MED14: variants seen among roughly 807,000 people sequenced by gnomAD.
MED14 encodes the protein mediator complex subunit 14, also known as mediator of RNA polymerase II transcription subunit 14.
A neutral mutation model predicts 109.0 loss-of-function variants in MED14; 8 were observed. That is an observed-to-expected ratio of 0.07 (90% CI 0.04 to 0.13). The LOEUF is 0.13. MED14 is among the 10% of genes least tolerant of loss of function. The probability of loss-of-function intolerance (pLI) is 1.00; values close to 1 mark genes in which losing one functional copy is unlikely to be tolerated. For synonymous variants in MED14, 399 were observed against 408.7 expected, an observed-to-expected ratio of 0.98 and a Z score of 0.29; for missense variants, 711 against 1,142.4, an observed-to-expected ratio of 0.62 and a Z score of 5.44.
intron 30 of MED14, 25 bp downstream of exon 30, chrX:40,654,339 A>G: frequency 8.3e-7 from 1 of 1,199,133 alleles, no homozygotes. Flanking sequence ...TATATGCAAT[A>G]AAATATTGTC....
chrX:40,682,544 A>G (rs1040490341), intron 18 of MED14, 59 bp downstream of exon 18: 2 of 1,000,936 alleles, frequency 2.0e-6, no homozygotes, highest in African/African-American at 3.9e-5. Flanking sequence ...TCAGTTAAAA[A>G]AAGGGTGAGG....
chrX:40,654,653 A>T (rs1928992553), intron 29 of MED14, 97 bp from the exon 30 acceptor site: 2 of 923,690 alleles, frequency 2.2e-6, no homozygotes, highest in Non-Finnish European at 3.0e-6. Flanking sequence ...TTTCAGATTA[A>T]GATAAGCAAG....
In MED14 at chrX:40,712,731, G is replaced by A. The variant is rs778324486; in HGVS notation, c.781+183C>T. The stretch of plus-strand genomic sequence containing the variant: ...TTTTTAAATTTTTTGTAGAGACAGG[G>A]TCTTGCTATATTGTCTAGGCTGGTC... On this transcript the variant is annotated intron_variant, in intron 6 of 30. Coordinates refer to ENST00000324817, the MANE Select transcript of MED14 (RefSeq NM_004229.4). 9.9e-5 allele frequency among the ~76,000 whole-genome samples: 11 copies of A among 111,393 alleles called. No individual in the cohort carries two copies. The South Asian group carries it at 3.0e-3, about 31-fold the overall frequency.
chrX:40,701,282 G>A, intron 11 of MED14, 39 bp from the exon 12 acceptor site: 1 of 918,700 alleles, frequency 1.1e-6, no homozygotes. Context: ...TTGCTTATAT[G>A]AGAAACAAAA....
At position 40,712,187 on chromosome X, in the gene MED14, T is replaced by C; in HGVS notation, c.888A>G (p.Leu296=). 1 of 1,163,056 alleles carries C rather than the reference T, an allele frequency of 8.6e-7. No individual in the cohort carries two copies. Among genetic ancestry groups the C allele is most frequent in the Non-Finnish European group, 1.2e-6 (1 of 864,092 alleles). The part of the protein sequence containing the change: ...EKPLQDMYNC[L]HSFCLSLQLE... ...ATGTCTCAAATTTCAGAAGGATACG[T>C]AGGCAGTTGTACATATCCTGAAGAG... The change falls in exon 7 of 31, where the codon CTA becomes CTG. Residue 296 remains leucine, a splice_region_variant and synonymous_variant. Coordinates refer to ENST00000324817, the MANE Select transcript of MED14 (RefSeq NM_004229.4).
Position 40,655,010 on chromosome X carries a change from C to G in MED14, c.4023G>C (p.Thr1341=). Residue 1341 remains threonine, a synonymous_variant, in exon 29 of 31, where the codon ACG becomes ACC. Coordinates refer to ENST00000324817, the MANE Select transcript of MED14 (RefSeq NM_004229.4). ...CAATCGGCGGCGCGCTGGGAGGGAT[C>G]GTCAGGCAAAACTGAACATTCCATT... The part of the protein sequence containing the change: ...QLKWNVQFCL[T]IPPSAPPIAP... 1 of 1,210,603 alleles carries G rather than the reference C, an allele frequency of 8.3e-7. No homozygotes were observed. Among genetic ancestry groups the G allele is most frequent in the Non-Finnish European group, 1.1e-6 (1 of 894,807 alleles).
chrX:40,689,351 T>C (rs1602466568), intron 15 of MED14, among the ~76,000 whole-genome samples: 2 of 111,702 alleles, frequency 1.8e-5, no homozygotes, highest in African/African-American at 6.5e-5. Flanking sequence ...CAAAAGGAAA[T>C]GAAGTGTGGG....
intron 5 of MED14, 33 bp downstream of exon 5, chrX:40,713,745 C>G: frequency 7.5e-6 from 9 of 1,204,768 alleles, no homozygotes; most frequent in Non-Finnish European, 1.0e-5. Context: ...ACCTGGCCAT[C>G]AACTCTTAAA....
intron 30 of MED14, 182 bp downstream of exon 30, chrX:40,654,182 A>G (rs1928975449): frequency 2.3e-6 from 1 of 426,964 alleles, no homozygotes; most frequent in African/African-American, 2.5e-5. Context: ...AAAAATGAAG[A>G]ACCAGTGAGA....
intron 1 of MED14, among the ~76,000 whole-genome samples, chrX:40,733,852 G>C (rs1192157942): frequency 8.9e-6 from 1 of 112,038 alleles, no homozygotes; most frequent in Non-Finnish European, 1.9e-5. Context: ...TGGATATAGA[G>C]TCTGGAGTTC....
At chrX:40,726,685 A>G in intron 3 of MED14, 61 bp downstream of exon 3, 2 of 907,678 alleles carry the variant, frequency 2.2e-6, no homozygotes. Context: ...ATGTAAAACT[A>G]TGTCTATCAT....
At chrX:40,660,989 A>G (rs780962776) in intron 26 of MED14, among the ~76,000 whole-genome samples, 3 of 112,391 alleles carry the variant, frequency 2.7e-5, no homozygotes, top group South Asian at 7.3e-4. Context: ...ATCTCGGCTC[A>G]CTGCAACCTC....
Position 40,680,233 on chromosome X carries a change from C to T in MED14, c.2611-100G>A, listed in dbSNP as rs981615099. On this transcript the variant is annotated intron_variant, in intron 20 of 30. Coordinates refer to ENST00000324817, the MANE Select transcript of MED14 (RefSeq NM_004229.4). ...CTGTCAAAAATGAAACAACGTCCTT[C>T]TGGCACATTCCATAAAACTTCCCCT... is the stretch of plus-strand genomic sequence containing the variant. 159 of 870,302 alleles carry T rather than the reference C, an allele frequency of 1.8e-4. 1 individual carries two copies. In the East Asian group the frequency reaches 5.0e-3, roughly 27 times the overall value. 71.7% of individuals were successfully genotyped at this position (870,302 alleles called of 1,213,427 possible).
At chrX:40,729,038 T>C (rs955571812) in intron 2 of MED14, among the ~76,000 whole-genome samples, 2 of 111,806 alleles carry the variant, frequency 1.8e-5, no homozygotes, top group Non-Finnish European at 1.9e-5. Flanking sequence ...TTACAGACTA[T>C]ACCTTCTTTA....
rs544581828 is a variant in MED14, at chrX:40,707,107, GGATAGATAGATA to G, written c.1285+2229_1285+2240del. Among the ~76,000 whole-genome samples, 77 of 101,325 alleles carry G rather than the reference GGATAGATAGATA, an allele frequency of 7.6e-4. 1 individual carries two copies. Among genetic ancestry groups the G allele is most frequent in the Middle Eastern group, 1.0e-2 (2 of 201 alleles). 88.0% of individuals were successfully genotyped at this position (101,325 alleles called of 115,157 possible). A position where few individuals can be genotyped will look rare whatever the true frequency, so the allele number is the denominator to read the frequency against. On this transcript the variant is annotated intron_variant, in intron 10 of 30. Transcript: ENST00000324817. ...ATGGACTTAAAATAGATACATAGAT[GGATAGATAGATA>G]GATAGATAGATAGATAGATAGATAG...
In MED14 at chrX:40,649,511, ATCT is replaced by A; in HGVS notation, c.*2292_*2294del. 1 of 617,390 alleles carries A rather than the reference ATCT, an allele frequency of 1.6e-6. No individual in the cohort carries two copies. Among genetic ancestry groups the A allele is most frequent in the East Asian group, 1.4e-4 (1 of 7,166 alleles). The allele number at this position is 617,390 out of a possible 1,213,427, so 50.9% of individuals were successfully genotyped here. A position where few individuals can be genotyped will look rare whatever the true frequency, so the allele number is the denominator to read the frequency against. ...ACTAAACCAGACTATTAATGAAAAC[ATCT>A]TCATCAAAATTAACTAGAGAGTTGG... On this transcript the variant is annotated 3_prime_UTR_variant, in exon 31 of 31. Transcript: ENST00000324817.
At chrX:40,681,817 T>G (rs367749282) in intron 19 of MED14, 35 bp downstream of exon 19, 5 of 758,004 alleles carry the variant, frequency 6.6e-6, no homozygotes, top group Non-Finnish European at 9.7e-6. Flanking sequence ...TTAAGATTCA[T>G]AAGACAGGAA....
intron 15 of MED14, among the ~76,000 whole-genome samples, chrX:40,691,090 G>T (rs1330331931): frequency 8.9e-6 from 1 of 111,751 alleles, no homozygotes; most frequent in Non-Finnish European, 1.9e-5. Flanking sequence ...CACTTTTGAG[G>T]GGCTACCCAT....
intron 1 of MED14, among the ~76,000 whole-genome samples, chrX:40,729,967 T>C (rs1932021720): frequency 8.9e-6 from 1 of 112,342 alleles, no homozygotes; most frequent in Non-Finnish European, 1.9e-5. Context: ...CCAGATAAGC[T>C]ATACCATTTA....
Sources: allele counts gnomAD v4.1 joint callset (sites outside exome capture counted in the v4.1 genomes callset), GRCh38; gene constraint gnomAD v4.1.1; transcripts MANE v1.5; gene names NCBI Gene and HGNC (gene_info 2026-07-23, HGNC 2026-07-21).